Variants in MCMDC2 observed in about 807,000 individuals in gnomAD.
MCMDC2 encodes the protein minichromosome maintenance domain containing 2, also known as minichromosome maintenance domain-containing protein 2.
MCMDC2 carries 54 observed loss-of-function variants against 75.8 expected under a neutral mutation model. The observed-to-expected ratio is 0.71, with a 90% confidence interval of 0.57 to 0.89. MCMDC2 has a LOEUF of 0.89. Among genes scored for constraint, MCMDC2 ranks in the 40% least tolerant of loss-of-function variants. MCMDC2 has a pLI of 0.00. For missense variants in MCMDC2, 656 were observed against 780.4 expected (o/e 0.84, Z 1.90); for synonymous variants, 249 against 274.6 (o/e 0.91, Z 0.92).
At chr8:66,875,689 A>C (rs1038917413) in intron 4 of MCMDC2, among the ~76,000 whole-genome samples, 2 of 152,190 alleles carry the variant, frequency 1.3e-5, no homozygotes, top group African/African-American at 4.8e-5. Context: ...CAATTGTTTC[A>C]AGAATATCTT....
intron 8 of MCMDC2, among the ~76,000 whole-genome samples, chr8:66,881,492 G>A (rs1811556609): frequency 6.6e-6 from 1 of 152,132 alleles, no homozygotes; most frequent in Non-Finnish European, 1.5e-5. Context: ...TTCAAGACCA[G>A]CCTGGCCAAG....
In MCMDC2 at chr8:66,905,247, T is replaced by C. The variant is rs766589449; in HGVS notation, c.1791T>C (p.His597=). 2 of 1,486,982 alleles carry C rather than the reference T, an allele frequency of 1.3e-6. No homozygotes were observed. Among genetic ancestry groups the C allele is most frequent in the South Asian group, 1.5e-5 (1 of 68,536 alleles). The allele number at this position is 1,486,982 out of a possible 1,614,324, so 92.1% of individuals were successfully genotyped here. A position where few individuals can be genotyped will look rare whatever the true frequency, so the allele number is the denominator to read the frequency against. The part of the protein sequence containing the change: ...LKYLVFLSEA[H]ARLNLRNKVL... ...TTAGCGTTTTCCTATCTGAAGCCCA[T>C]GCACGACTGAACTTAAGGAACAAAG... is the stretch of plus-strand genomic sequence containing the variant. Residue 597 remains histidine, a synonymous_variant, in exon 14 of 15, where the codon CAT becomes CAC. Coordinates refer to ENST00000422365, the MANE Select transcript of MCMDC2 (RefSeq NM_173518.5).
chr8:66,878,691 T>G lies in MCMDC2; in HGVS notation c.599T>G (p.Leu200Arg). The G allele has an allele frequency of 6.4e-7, 1 of 1,562,710 alleles. No homozygotes were observed. The highest frequency in any genetic ancestry group is 8.6e-7 in the Non-Finnish European group (1 of 1,159,778). The change falls in exon 6 of 15, where the codon CTT (leucine) becomes CGT (arginine). Residue 200 changes from leucine to arginine, a missense_variant. Coordinates refer to ENST00000422365, the MANE Select transcript of MCMDC2 (RefSeq NM_173518.5). ...SLQEDRKFRVLGDKQIVEIIA... is the reference protein window; with the variant it reads ...SLQEDRKFRVRGDKQIVEIIA... Reference sequence around the variant, plus strand: ...CAAGAAGACAGAAAATTTAGAGTACTTGGTGGTAATATGCATTTATATTTT... The same window carrying G: ...CAAGAAGACAGAAAATTTAGAGTACGTGGTGGTAATATGCATTTATATTTT...
At chr8:66,922,675 C>T (rs905423203), downstream of MCMDC2, 2 of 350,112 alleles carry the variant, frequency 5.7e-6, no homozygotes, top group Non-Finnish European at 1.2e-5. Flanking sequence ...TTTTGGAAAA[C>T]ATCTGTTATG....
chr8:66,904,837 G>C (rs1563386490), intron 13 of MCMDC2, among the ~76,000 whole-genome samples: 2 of 152,134 alleles, frequency 1.3e-5, no homozygotes, highest in African/African-American at 4.8e-5. Flanking sequence ...TTCCAATGCT[G>C]AAATTGCAAA....
At chr8:66,872,293 T>A (rs1201312233) in intron 1 of MCMDC2, among the ~76,000 whole-genome samples, 1 of 152,216 alleles carries the variant, frequency 6.6e-6, no homozygotes. Flanking sequence ...ACACTTTCTC[T>A]TTCTCTTCAC....
At chr8:66,900,735 A>G (rs1329395825) in intron 12 of MCMDC2, among the ~76,000 whole-genome samples, 1 of 152,244 alleles carries the variant, frequency 6.6e-6, no homozygotes, top group East Asian at 1.9e-4. Context: ...TTACTAAATC[A>G]CCAAAGCCCA....
intron 4 of MCMDC2, among the ~76,000 whole-genome samples, chr8:66,875,049 T>C (rs1162094325): frequency 2.0e-5 from 3 of 152,096 alleles, no homozygotes; most frequent in Non-Finnish European, 2.9e-5. Flanking sequence ...CCACCGCGCC[T>C]GGCCAACATT....
At chr8:66,918,088 T>C (rs1813387916) in intron 14 of MCMDC2, among the ~76,000 whole-genome samples, 1 of 152,226 alleles carries the variant, frequency 6.6e-6, no homozygotes, top group Admixed American at 6.5e-5. Flanking sequence ...ATTTTTATAA[T>C]AAATCCTTAT....
chr8:66,905,076 T>C, intron 13 of MCMDC2, 150 bp from the exon 14 acceptor site: 1 of 492,200 alleles, frequency 2.0e-6, no homozygotes, highest in Non-Finnish European at 3.1e-6. Flanking sequence ...GGAAAAAAAA[T>C]CCTTTGAAAA....
intron 4 of MCMDC2, among the ~76,000 whole-genome samples, chr8:66,875,631 A>G (rs535247270): frequency 3.3e-5 from 5 of 152,348 alleles, no homozygotes; most frequent in South Asian, 2.1e-4. Flanking sequence ...AAAAGTAACA[A>G]TAATTCCCTT....
In MCMDC2 at chr8:66,920,269, C is replaced by CT. The variant is rs1256066153; in HGVS notation, c.*1101dup. On this transcript the variant is annotated 3_prime_UTR_variant, in exon 15 of 15. Transcript: ENST00000422365. ...GTTTTTTGTTTTTTTGAGATGGGGT[C>CT]TCGCTCTGTCATGCAGGCTGGAGTG... The CT allele has an allele frequency of 6.6e-6, 1 of 152,256 alleles. No homozygotes were observed. The highest frequency in any genetic ancestry group is 1.5e-5 in the Non-Finnish European group (1 of 68,172). The allele number at this position is 152,256 out of a possible 1,614,324, so 9.4% of individuals were successfully genotyped here. A position where few individuals can be genotyped will look rare whatever the true frequency, so the allele number is the denominator to read the frequency against.
downstream of MCMDC2, among the ~76,000 whole-genome samples, chr8:66,924,647 A>AG (rs1436817815): frequency 6.6e-6 from 1 of 152,070 alleles, no homozygotes; most frequent in Non-Finnish European, 1.5e-5. Flanking sequence ...AAAAAAAAAA[A>AG]AAAAGTTTCT....
intron 9 of MCMDC2, chr8:66,884,695 G>C (rs1174309995): frequency 6.6e-6 from 1 of 151,996 alleles, no homozygotes; most frequent in Non-Finnish European, 1.5e-5. Flanking sequence ...CAAATGCCGA[G>C]ATTGTACCAC....
intron 9 of MCMDC2, among the ~76,000 whole-genome samples, chr8:66,885,251 A>G (rs528982758): frequency 2.0e-5 from 3 of 151,720 alleles, no homozygotes; most frequent in South Asian, 2.1e-4. Flanking sequence ...GAGAATTGCT[A>G]GAACCTGGGA....
chr8:66,905,443 A>T, intron 14 of MCMDC2, 108 bp downstream of exon 14: 3 of 995,748 alleles, frequency 3.0e-6, no homozygotes, highest in Non-Finnish European at 3.9e-6. Flanking sequence ...ATATTATTTT[A>T]AAGAATAACA....
intron 8 of MCMDC2, among the ~76,000 whole-genome samples, chr8:66,881,700 T>A (rs888230805): frequency 2.6e-5 from 4 of 151,488 alleles, no homozygotes; most frequent in Non-Finnish European, 4.4e-5. Context: ...GAAAAAAAAA[T>A]AAAAAGCGTC....
At chr8:66,873,871 A>G (rs889967396) in intron 1 of MCMDC2, among the ~76,000 whole-genome samples, 182 bp from the exon 2 acceptor site, 2 of 151,948 alleles carry the variant, frequency 1.3e-5, no homozygotes, top group Admixed American at 1.3e-4. Flanking sequence ...TGGGCAACAG[A>G]GCGAGACTCC....
At chr8:66,887,943 A>G (rs543841035) in intron 9 of MCMDC2, among the ~76,000 whole-genome samples, 1 of 152,336 alleles carries the variant, frequency 6.6e-6, no homozygotes, top group African/African-American at 2.4e-5. Flanking sequence ...CTATTGTTCT[A>G]TACTTATACC....
Sources: gnomAD v4.1 joint callset for allele counts (sites outside exome capture counted in the v4.1 genomes callset) on GRCh38, gnomAD v4.1.1 for gene constraint, MANE v1.5 for transcripts, NCBI Gene and HGNC (gene_info 2026-07-23, HGNC 2026-07-21) for gene names.